The following CDKN2B-AS1 variants were observed in gnomAD, a reference collection of about 807,000 sequenced individuals.
CDKN2B-AS1 encodes CDKN2B antisense RNA 1 (non-protein coding).
chr9:22,090,190 G>C (rs1466779177), intron 4 of CDKN2B-AS1, among the ~76,000 whole-genome samples: 5 of 152,076 alleles, frequency 3.3e-5, no homozygotes, highest in South Asian at 2.1e-4. Flanking sequence ...GTATTCCATG[G>C]TGTATATGTG....
At chr9:22,004,178 C>T (rs918456465) in intron 1 of CDKN2B-AS1, 5 of 232,302 alleles carry the variant, frequency 2.2e-5, no homozygotes, top group African/African-American at 1.1e-4. Flanking sequence ...TCCCCAATAA[C>T]ATATGCTCTG....
chr9:22,095,531 G>C lies in CDKN2B-AS1; in HGVS notation n.439-31572G>C, dbSNP rs555898642. On this transcript the variant is annotated intron_variant and non_coding_transcript_variant, in intron 4 of 4. Transcript: ENST00000650946. ...AACTATGTGGTCAATTTTGGAATAAGTGCAGTGTGGTTCTGAGAAGAATGT... is the reference window on the plus strand; with the variant it reads ...AACTATGTGGTCAATTTTGGAATAACTGCAGTGTGGTTCTGAGAAGAATGT... Among the ~76,000 whole-genome samples the C allele has an allele frequency of 1.5e-4, 23 of 150,880 alleles. 1 individual carries two copies. The highest frequency in any genetic ancestry group is 5.0e-4 in the African/African-American group (20 of 40,234).
intron 4 of CDKN2B-AS1, among the ~76,000 whole-genome samples, chr9:22,069,389 C>G (rs1207349446): frequency 6.6e-6 from 1 of 152,036 alleles, no homozygotes; most frequent in Non-Finnish European, 1.5e-5. Context: ...AGATTAGTGA[C>G]AAAATTGTGC....
chr9:22,101,153 G>A (rs887084079), intron 4 of CDKN2B-AS1, among the ~76,000 whole-genome samples: 1 of 152,104 alleles, frequency 6.6e-6, no homozygotes, highest in African/African-American at 2.4e-5. Context: ...TCAACAGACT[G>A]CGCTTCTTAT....
intron 1 of CDKN2B-AS1, among the ~76,000 whole-genome samples, chr9:22,033,343 C>T (rs1291430057): frequency 6.6e-6 from 1 of 152,162 alleles, no homozygotes; most frequent in East Asian, 1.9e-4. Context: ...AGGGGCAGAG[C>T]AGATGGTGGG....
chr9:22,071,975 C>G (rs1475290154), intron 4 of CDKN2B-AS1, among the ~76,000 whole-genome samples: 1 of 152,188 alleles, frequency 6.6e-6, no homozygotes, highest in South Asian at 2.1e-4. Context: ...TAGACTGCCA[C>G]TTTGCATCAT....
intron 1 of CDKN2B-AS1, among the ~76,000 whole-genome samples, chr9:22,016,433 A>G (rs1413528853): frequency 1.3e-5 from 2 of 152,242 alleles, no homozygotes; most frequent in African/African-American, 2.4e-5. Context: ...TCTTCACAGA[A>G]TTGGAAAAAA....
rs561933402 is a variant in CDKN2B-AS1 at position 22,092,972 on chromosome 9, T to A, written n.439-34131T>A. Reference sequence around the variant, plus strand: ...TCTTGTGGGCATTTAGTGCTATAAATTTCCCTCTACACACTGCTTTGAATG... The same window carrying A: ...TCTTGTGGGCATTTAGTGCTATAAAATTCCCTCTACACACTGCTTTGAATG... On this transcript the variant is annotated intron_variant and non_coding_transcript_variant, in intron 4 of 4. Coordinates refer to ENST00000650946, the Ensembl canonical transcript of CDKN2B-AS1. 4.6e-5 allele frequency among the ~76,000 whole-genome samples: 7 copies of A among 152,326 alleles called. No homozygotes were observed. In the East Asian group the frequency reaches 9.6e-4, roughly 21 times the overall value.
chr9:22,098,562 T>C (rs188093891), intron 4 of CDKN2B-AS1, among the ~76,000 whole-genome samples: 3 of 152,308 alleles, frequency 2.0e-5, no homozygotes, highest in African/African-American at 7.2e-5. Flanking sequence ...GTACATCAAA[T>C]GCATTCTATA....
At chr9:22,115,961 G>T (rs1825939088) in intron 4 of CDKN2B-AS1, among the ~76,000 whole-genome samples, 1 of 152,044 alleles carries the variant, frequency 6.6e-6, no homozygotes, top group Non-Finnish European at 1.5e-5. Flanking sequence ...GATCCCTTCA[G>T]CTAAGCATGA....
At chr9:22,107,003 C>G (rs1276307700) in intron 4 of CDKN2B-AS1, among the ~76,000 whole-genome samples, 1 of 152,146 alleles carries the variant, frequency 6.6e-6, no homozygotes, top group Non-Finnish European at 1.5e-5. Flanking sequence ...CTAGGATAGT[C>G]TGCATTTCAT....
At chr9:22,016,594 A>G (rs993876833) in intron 1 of CDKN2B-AS1, among the ~76,000 whole-genome samples, 5 of 152,214 alleles carry the variant, frequency 3.3e-5, no homozygotes, top group Non-Finnish European at 5.9e-5. Flanking sequence ...TGGTACCAAA[A>G]CAGAGATATA....
intron 4 of CDKN2B-AS1, among the ~76,000 whole-genome samples, chr9:22,064,480 G>C (rs897859734): frequency 1.3e-5 from 2 of 152,034 alleles, no homozygotes; most frequent in African/African-American, 4.8e-5. Context: ...AAGGGAGGAA[G>C]GTCAATAAAG....
chr9:22,117,516 G>A (rs2131373659), intron 4 of CDKN2B-AS1: 1 of 152,342 alleles, frequency 6.6e-6, no homozygotes, highest in Non-Finnish European at 1.5e-5. Flanking sequence ...GGAAGCTCGT[G>A]GGAGAGGAGA....
chr9:22,055,703 G>A (rs913305924), intron 3 of CDKN2B-AS1, among the ~76,000 whole-genome samples: 2 of 152,144 alleles, frequency 1.3e-5, no homozygotes, highest in Non-Finnish European at 2.9e-5. Context: ...CCACGTGCTG[G>A]CAGACAGAAA....
chr9:22,096,435 T>C (rs1825276360), intron 4 of CDKN2B-AS1: 1 of 152,202 alleles, frequency 6.6e-6, no homozygotes, highest in Non-Finnish European at 1.5e-5. Context: ...TACAGCTTAG[T>C]GTGGAGACAC....
chr9:22,077,636 C>A (rs561016457), intron 4 of CDKN2B-AS1: 29 of 152,226 alleles, frequency 1.9e-4, no homozygotes, highest in African/African-American at 6.7e-4. Flanking sequence ...GAAAAAAAAT[C>A]AAAATAATTT....
intron 4 of CDKN2B-AS1, among the ~76,000 whole-genome samples, chr9:22,098,467 T>C (rs949084616): frequency 6.6e-6 from 1 of 151,598 alleles, no homozygotes; most frequent in African/African-American, 2.4e-5. Flanking sequence ...ACGATATGTA[T>C]CACCTTTATA....
chr9:22,089,904 G>A (rs1825009028), intron 4 of CDKN2B-AS1, among the ~76,000 whole-genome samples: 1 of 151,856 alleles, frequency 6.6e-6, no homozygotes, highest in Non-Finnish European at 1.5e-5. Flanking sequence ...GTATACATGT[G>A]CCATGTTGGT....
Sources: allele counts gnomAD v4.1 joint callset (sites outside exome capture counted in the v4.1 genomes callset), GRCh38; gene constraint gnomAD v4.1.1; transcripts MANE v1.5; gene names NCBI Gene and HGNC (gene_info 2026-07-23, HGNC 2026-07-21).